Variants in SUGCT observed in about 807,000 individuals in gnomAD.
SUGCT encodes succinyl-CoA:glutarate CoA-transferase.
SUGCT carries 41 observed loss-of-function variants against 55.0 expected under a neutral mutation model. The ratio of observed to expected loss-of-function variants is 0.74; its 90% confidence interval spans 0.58 to 0.97. The LOEUF is 0.97. SUGCT is among the 50% of genes least tolerant of loss of function. SUGCT has a pLI of 0.00. For synonymous variants in SUGCT, 187 were observed against 200.4 expected, an observed-to-expected ratio of 0.93 and a Z score of 0.56; for missense variants, 568 against 547.8, an observed-to-expected ratio of 1.04 and a Z score of -0.37.
chr7:40,939,197 A>C, the SUGCT span, among the ~76,000 whole-genome samples: 3 of 152,192 alleles, frequency 2.0e-5, no homozygotes, highest in Admixed American at 6.6e-5. Flanking sequence ...GCAGCAGGCA[A>C]AGACAGAATG....
At chr7:40,140,773 G>A (rs1362290042) in intron 1 of SUGCT, among the ~76,000 whole-genome samples, 1 of 152,164 alleles carries the variant, frequency 6.6e-6, no homozygotes, top group Non-Finnish European at 1.5e-5. Context: ...ATATTTTGAA[G>A]TCAGAAAATG....
chr7:40,210,101 AG>A (rs1326893533), intron 6 of SUGCT, among the ~76,000 whole-genome samples: 6 of 151,972 alleles, frequency 3.9e-5, no homozygotes, highest in African/African-American at 1.4e-4. Flanking sequence ...TTTTTGAGAC[AG>A]AGTCTTGCTC....
chr7:40,881,976 AAT>A, the SUGCT span, among the ~76,000 whole-genome samples: 1 of 152,194 alleles, frequency 6.6e-6, no homozygotes. Flanking sequence ...CATTGGCTCT[AAT>A]ATTGGTCTAA....
At chr7:40,841,644 A>G (rs751591473) in intron 13 of SUGCT, among the ~76,000 whole-genome samples, 11 of 152,206 alleles carry the variant, frequency 7.2e-5, no homozygotes, top group Non-Finnish European at 1.3e-4. Context: ...AGTTTCATTT[A>G]TTTATAAGAA....
At chr7:40,198,130 G>A (rs372885738) in intron 6 of SUGCT, among the ~76,000 whole-genome samples, 2 of 152,120 alleles carry the variant, frequency 1.3e-5, no homozygotes, top group Non-Finnish European at 2.9e-5. Flanking sequence ...GTCTGAAAAC[G>A]TACCTCTCAT....
chr7:40,329,949 T>G (rs1451200611), intron 9 of SUGCT, among the ~76,000 whole-genome samples: 2 of 152,212 alleles, frequency 1.3e-5, no homozygotes, highest in Non-Finnish European at 2.9e-5. Flanking sequence ...TGATTTCCAT[T>G]TTTTTGGATT....
At chr7:40,170,349 A>G (rs1784612569) in intron 1 of SUGCT, among the ~76,000 whole-genome samples, 1 of 152,174 alleles carries the variant, frequency 6.6e-6, no homozygotes, top group Non-Finnish European at 1.5e-5. Context: ...CCCTTATAAA[A>G]CATCAATATA....
chr7:40,554,713 A>G (rs940567935), intron 12 of SUGCT, among the ~76,000 whole-genome samples: 1 of 152,214 alleles, frequency 6.6e-6, no homozygotes, highest in South Asian at 2.1e-4. Context: ...AATTTATGTC[A>G]TATATGTCAG....
intron 12 of SUGCT, among the ~76,000 whole-genome samples, chr7:40,676,008 A>G (rs1332765621): frequency 6.6e-6 from 1 of 152,224 alleles, no homozygotes; most frequent in Non-Finnish European, 1.5e-5. Context: ...AAGCAGATAA[A>G]AATGAGTAAT....
At chr7:40,812,278 A>G (rs1454577210) in intron 13 of SUGCT, among the ~76,000 whole-genome samples, 1 of 151,980 alleles carries the variant, frequency 6.6e-6, no homozygotes, top group Non-Finnish European at 1.5e-5. Context: ...TTTTTTGGGG[A>G]TAGTTTCAGT....
intron 9 of SUGCT, among the ~76,000 whole-genome samples, chr7:40,424,942 G>A (rs1787509429): frequency 6.6e-6 from 1 of 152,104 alleles, no homozygotes; most frequent in Admixed American, 6.6e-5. Flanking sequence ...GGGAGCTATT[G>A]TAATTATTTA....
At chr7:40,952,040 G>A in the SUGCT span, among the ~76,000 whole-genome samples, 15 of 152,130 alleles carry the variant, frequency 9.9e-5, no homozygotes, top group African/African-American at 3.1e-4. Flanking sequence ...TCTGTCTAAT[G>A]TTGGCAGTGG....
intron 12 of SUGCT, among the ~76,000 whole-genome samples, chr7:40,520,751 G>A (rs1481324162): frequency 6.6e-6 from 1 of 152,030 alleles, no homozygotes; most frequent in African/African-American, 2.4e-5. Flanking sequence ...AAAATGACTT[G>A]AATAAGCATT....
rs143161762 is a variant in SUGCT at position 40,507,079 on chromosome 7, T to TTTC, written c.1089+10699_1089+10701dup. ...TTCAAAGGAAGTTTCTGTTGCCAGCTTTCTTCTTTCTGTATGTTGGTCACA... is the reference window on the plus strand; with the variant it reads ...TTCAAAGGAAGTTTCTGTTGCCAGCTTTCTTCTTCTTTCTGTATGTTGGTCACA... On this transcript the variant is annotated intron_variant, in intron 12 of 13. Coordinates refer to ENST00000335693, the MANE Select transcript of SUGCT (RefSeq NM_001193313.2). Among the ~76,000 whole-genome samples the TTTC allele has an allele frequency of 8.4e-3, 1,282 of 152,266 alleles. 52 individuals are homozygous for TTTC. Among genetic ancestry groups the TTTC allele is most frequent in the Admixed American group, 0.066 (1,001 of 15,276 alleles).
At chr7:40,917,023 C>T in the SUGCT span, among the ~76,000 whole-genome samples, 5 of 152,184 alleles carry the variant, frequency 3.3e-5, no homozygotes, top group African/African-American at 9.7e-5. Context: ...GTAATCTTCT[C>T]GTCTGACAAA....
the SUGCT span, among the ~76,000 whole-genome samples, chr7:40,897,975 G>C: frequency 1.3e-5 from 2 of 152,268 alleles, no homozygotes; most frequent in East Asian, 1.9e-4. Flanking sequence ...GGCCACCTGC[G>C]CCAACAGTGG....
At chr7:40,475,442 T>C (rs568687301) in intron 11 of SUGCT, among the ~76,000 whole-genome samples, 1 of 152,296 alleles carries the variant, frequency 6.6e-6, no homozygotes, top group African/African-American at 2.4e-5. Context: ...TTCGGTGAAA[T>C]CCAGGAATAC....
chr7:41,025,324 T>A, the SUGCT span, among the ~76,000 whole-genome samples: 8 of 152,310 alleles, frequency 5.3e-5, no homozygotes, highest in East Asian at 1.5e-3. Context: ...TTATTTTCAG[T>A]ATGTCTGAAA....
the SUGCT span, among the ~76,000 whole-genome samples, chr7:40,887,843 A>G: frequency 6.6e-6 from 1 of 152,272 alleles, no homozygotes; most frequent in East Asian, 1.9e-4. Flanking sequence ...CACTGAAAAG[A>G]AGTGCCCAAT....
Sources: gnomAD v4.1 joint callset for allele counts (sites outside exome capture counted in the v4.1 genomes callset) on GRCh38, gnomAD v4.1.1 for gene constraint, MANE v1.5 for transcripts, NCBI Gene and HGNC (gene_info 2026-07-23, HGNC 2026-07-21) for gene names.